Variants in COG3 observed in about 807,000 individuals in gnomAD.
The protein encoded by COG3 is conserved oligomeric Golgi complex subunit 3.
COG3 carries 32 observed loss-of-function variants against 114.1 expected under a neutral mutation model. The ratio of observed to expected loss-of-function variants is 0.28; its 90% CI spans 0.21 to 0.38. The LOEUF is 0.38. Ranked by LOEUF, COG3 falls within the 10% of genes least tolerant of loss-of-function variation. The pLI, the probability that COG3 is intolerant of heterozygous loss-of-function variation, is 1.00. For synonymous variants in COG3, 352 were observed against 365.7 expected, an observed-to-expected ratio of 0.96 and a Z score of 0.43; for missense variants, 813 against 973.2, an observed-to-expected ratio of 0.84 and a Z score of 2.19.
chr13:45,527,900 G>A (rs1403705094), intron 20 of COG3, among the ~76,000 whole-genome samples: 1 of 152,210 alleles, frequency 6.6e-6, no homozygotes, highest in African/African-American at 2.4e-5. Context: ...GAATGTCAGC[G>A]GCATTTGAAC....
chr13:45,485,203 G>T (rs1253531636), intron 7 of COG3, among the ~76,000 whole-genome samples: 1 of 134,692 alleles, frequency 7.4e-6, no homozygotes. Context: ...CTCACCTCCC[G>T]GACGGGGCGG....
intron 14 of COG3, among the ~76,000 whole-genome samples, chr13:45,508,433 T>TATATAC (rs1566262684): frequency 1.1e-4 from 16 of 140,656 alleles, no homozygotes; most frequent in African/African-American, 4.1e-4. Context: ...CACATACACA[T>TATATAC]ATATATACAT....
At chr13:45,478,844 A>G (rs1018214014) in intron 2 of COG3, among the ~76,000 whole-genome samples, 161 bp from the exon 3 acceptor site, 1 of 152,208 alleles carries the variant, frequency 6.6e-6, no homozygotes, top group African/African-American at 2.4e-5. Flanking sequence ...TATTGTGGAT[A>G]TAATTAAACT....
At chr13:45,511,621 A>G in intron 15 of COG3, 144 bp from the exon 16 acceptor site, 1 of 620,138 alleles carries the variant, frequency 1.6e-6, no homozygotes, top group Admixed American at 2.8e-5. Flanking sequence ...TGGGAATAGG[A>G]AACCAGGAAG....
At position 45,464,954 on chromosome 13, in the gene COG3, C is replaced by G; in HGVS notation, c.-83C>G. On this transcript the variant is annotated 5_prime_UTR_variant, in exon 1 of 23. Transcript: ENST00000349995. ...CGCCGCCGGTGCAGTGTTGGAAGCT[C>G]CGGTTCTCCCGGAAGTGGCCCAGGT... 1 of 1,477,302 alleles carries G rather than the reference C, an allele frequency of 6.8e-7. No homozygotes were observed. The highest frequency in any genetic ancestry group is 8.9e-7 in the Non-Finnish European group (1 of 1,120,076). The allele number at this position is 1,477,302 out of a possible 1,614,324, so 91.5% of individuals were successfully genotyped here. A position where few individuals can be genotyped will look rare whatever the true frequency, so the allele number is the denominator to read the frequency against.
At chr13:45,512,493 C>T (rs541925399) in intron 16 of COG3, among the ~76,000 whole-genome samples, 4 of 152,160 alleles carry the variant, frequency 2.6e-5, no homozygotes, top group Admixed American at 6.5e-5. Context: ...CTTCATGCCC[C>T]TGCCAAGTTT....
rs532814186 is a variant in COG3 at position 45,508,504 on chromosome 13, C to T, written c.1595-1188C>T. The stretch of plus-strand genomic sequence containing the variant: ...TGTGTGTAAATATATATTTTATGAA[C>T]CATTTTAAATTATTGACGTCATTGA... On this transcript the variant is annotated intron_variant, in intron 14 of 22. Transcript: ENST00000349995. Among the ~76,000 whole-genome samples, 16 of 150,320 alleles carry T rather than the reference C, an allele frequency of 1.1e-4. No individual in the cohort carries two copies. The South Asian group carries it at 3.4e-3, about 32-fold the overall frequency.
chr13:45,466,720 T>C (rs1346824702), intron 1 of COG3: 1 of 152,228 alleles, frequency 6.6e-6, no homozygotes, highest in Non-Finnish European at 1.5e-5. Flanking sequence ...GAGATACATA[T>C]TCTACAAAAA....
chr13:45,513,851 A>G (rs1356967183), intron 16 of COG3, among the ~76,000 whole-genome samples: 3 of 152,002 alleles, frequency 2.0e-5, no homozygotes, highest in African/African-American at 4.8e-5. Context: ...GTTTTATATA[A>G]CAATATTACA....
rs768234469 is a variant in COG3, at chr13:45,490,911, G to T, written c.925-4G>T. On this transcript the variant is annotated splice_polypyrimidine_tract_variant and splice_region_variant and intron_variant, in intron 8 of 22. Transcript: ENST00000349995. ...TTTTTGATGCATTTTTTCTTACTTT[G>T]CAGACTCTTATTGAACAAATAGAAC... The T allele has an allele frequency of 8.3e-6, 13 of 1,571,232 alleles. No homozygotes were observed. Among genetic ancestry groups the T allele is most frequent in the Non-Finnish European group, 1.1e-5 (13 of 1,150,986 alleles).
chr13:45,498,711 G>C lies in COG3; in HGVS notation c.1488+2399G>C, dbSNP rs114765543. ...CATCTTTATGTCTTATCCTGTGCTA[G>C]CACCAGACTGTCTGGATTACAGTTG... On this transcript the variant is annotated intron_variant, in intron 13 of 22. Transcript: ENST00000349995. 9.1e-3 allele frequency among the ~76,000 whole-genome samples: 1,356 copies of C among 148,844 alleles called. 21 individuals are homozygous for C. Among genetic ancestry groups the C allele is most frequent in the African/African-American group, 0.031 (1,261 of 40,906 alleles).
intron 20 of COG3, among the ~76,000 whole-genome samples, chr13:45,525,634 G>GTTTTT (rs59577529): frequency 5.3e-5 from 3 of 56,630 alleles, no homozygotes; most frequent in African/African-American, 7.7e-5. Context: ...AGGGCTTTGG[G>GTTTTT]TTTTTTTTTT....
intron 19 of COG3, among the ~76,000 whole-genome samples, chr13:45,521,410 T>G (rs1465204160): frequency 1.3e-5 from 2 of 151,574 alleles, no homozygotes; most frequent in African/African-American, 2.4e-5. Context: ...TGTAGTTGCC[T>G]CCCTTTTCCT....
chr13:45,524,464 T>C (rs1407425226), intron 19 of COG3, among the ~76,000 whole-genome samples: 2 of 152,254 alleles, frequency 1.3e-5, no homozygotes, highest in African/African-American at 2.4e-5. Context: ...CAGTCATATG[T>C]GACTTTTTGA....
intron 1 of COG3, among the ~76,000 whole-genome samples, chr13:45,471,632 A>G (rs1292781758): frequency 6.6e-6 from 1 of 151,770 alleles, no homozygotes; most frequent in Non-Finnish European, 1.5e-5. Flanking sequence ...TTTTGGGTAG[A>G]TATGTGTTTT....
At chr13:45,503,206 C>A (rs1371523308) in intron 13 of COG3, 38 bp from the exon 14 acceptor site, 2 of 994,914 alleles carry the variant, frequency 2.0e-6, no homozygotes, top group Non-Finnish European at 3.2e-6. Flanking sequence ...CCAAACACTG[C>A]TGAAAACGGT....
intron 15 of COG3, among the ~76,000 whole-genome samples, chr13:45,510,723 CT>C (rs1292913667): frequency 6.6e-6 from 1 of 152,160 alleles, no homozygotes; most frequent in Non-Finnish European, 1.5e-5. Flanking sequence ...CTTTTTTCAC[CT>C]AGCTTATATT....
intron 10 of COG3, 80 bp from the exon 11 acceptor site, chr13:45,492,079 T>TA: frequency 1.2e-6 from 1 of 847,050 alleles, no homozygotes; most frequent in Non-Finnish European, 1.9e-6. Flanking sequence ...TCTCTGCACA[T>TA]AAAGTGTAGG....
In COG3 at chr13:45,514,415, C is replaced by G. The variant is rs982000456; in HGVS notation, c.1810-1728C>G. ...ACCTCAAGTGATCCACCCGCCTTGG[C>G]CTCCCAAAATGTTGGGATTACAGGA... On this transcript the variant is annotated intron_variant, in intron 16 of 22. Transcript: ENST00000349995. Among the ~76,000 whole-genome samples, 7 of 152,236 alleles carry G rather than the reference C, an allele frequency of 4.6e-5. No homozygotes were observed. In the South Asian group the frequency reaches 8.3e-4, roughly 18 times the overall value.
Sources: gnomAD v4.1 joint callset for allele counts (sites outside exome capture counted in the v4.1 genomes callset) on GRCh38, gnomAD v4.1.1 for gene constraint, MANE v1.5 for transcripts, NCBI Gene and HGNC (gene_info 2026-07-23, HGNC 2026-07-21) for gene names.